Variants in FAM168A observed in about 807,000 individuals in gnomAD.
FAM168A encodes the protein family with sequence similarity 168 member A.
In FAM168A, 3 loss-of-function variants were observed where a neutral mutation model predicts 28.5. That is an observed-to-expected ratio of 0.11 (90% CI 0.05 to 0.27). FAM168A has a LOEUF of 0.27. FAM168A is among the 10% of genes least tolerant of loss of function. The pLI, the probability that FAM168A is intolerant of heterozygous loss-of-function variation, is 1.00. For synonymous variants in FAM168A, 122 were observed against 124.2 expected (o/e 0.98, Z 0.12); for missense variants, 222 against 311.5 (o/e 0.71, Z 2.16).
chr11:73,518,591 A>G (rs908502499), intron 1 of FAM168A, among the ~76,000 whole-genome samples: 2 of 151,900 alleles, frequency 1.3e-5, no homozygotes, highest in Non-Finnish European at 2.9e-5. Context: ...TGTTCCCTCC[A>G]GTGCTGGCTC....
chr11:73,584,624 C>T (rs1362120850), intron 1 of FAM168A, among the ~76,000 whole-genome samples: 2 of 152,046 alleles, frequency 1.3e-5, no homozygotes, highest in African/African-American at 4.8e-5. Flanking sequence ...CAGGCGCCCG[C>T]CACCATGCCC....
intron 1 of FAM168A, among the ~76,000 whole-genome samples, chr11:73,473,357 G>C (rs748997931): frequency 6.6e-6 from 1 of 152,082 alleles, no homozygotes; most frequent in South Asian, 2.1e-4. Context: ...TTCGCCTCTG[G>C]AACAGTAGGC....
At chr11:73,580,786 C>G in intron 1 of FAM168A, among the ~76,000 whole-genome samples, 1 of 152,180 alleles carries the variant, frequency 6.6e-6, no homozygotes, top group East Asian at 1.9e-4. Context: ...CAGGGATTCC[C>G]TGACTTTGAC....
intron 1 of FAM168A, among the ~76,000 whole-genome samples, chr11:73,509,213 G>A (rs2134634892): frequency 6.6e-6 from 1 of 152,322 alleles, no homozygotes; most frequent in South Asian, 2.1e-4. Flanking sequence ...TGATCACACA[G>A]GCAAGTCAAG....
chr11:73,580,223 C>T (rs762180636), intron 1 of FAM168A: 6 of 506,612 alleles, frequency 1.2e-5, no homozygotes, highest in East Asian at 5.5e-5. Flanking sequence ...CCAGTGCCTA[C>T]GTCCCGCTGC....
chr11:73,497,710 C>T (rs1854921701), intron 1 of FAM168A, among the ~76,000 whole-genome samples: 1 of 151,944 alleles, frequency 6.6e-6, no homozygotes, highest in Admixed American at 6.6e-5. Flanking sequence ...AATGAGAACA[C>T]TTGGACACAG....
intron 1 of FAM168A, among the ~76,000 whole-genome samples, chr11:73,571,264 CCTCTCTTT>C (rs1944085233): frequency 7.2e-6 from 1 of 139,340 alleles, no homozygotes; most frequent in African/African-American, 2.7e-5. Context: ...TCTCCCTCTC[CCTCTCTTT>C]CCACGGTCTC....
At chr11:73,594,089 A>C (rs1944414657) in intron 1 of FAM168A, among the ~76,000 whole-genome samples, 1 of 152,142 alleles carries the variant, frequency 6.6e-6, no homozygotes, top group Non-Finnish European at 1.5e-5. Flanking sequence ...TCCCCTTGAC[A>C]GCCTTGTGAA....
At chr11:73,445,432 T>C (rs1343056405) in intron 2 of FAM168A, among the ~76,000 whole-genome samples, 1 of 126,702 alleles carries the variant, frequency 7.9e-6, no homozygotes, top group African/African-American at 3.2e-5. Flanking sequence ...TTTTTTTTTT[T>C]TTTTTTTTTT....
chr11:73,424,953 GA>G, intron 3 of FAM168A: 1 of 1,299,288 alleles, frequency 7.7e-7, no homozygotes, highest in Non-Finnish European at 1.0e-6. Context: ...GAGGAGAGGG[GA>G]TCTACCATTG....
intron 2 of FAM168A, among the ~76,000 whole-genome samples, chr11:73,440,923 A>G (rs905661631): frequency 3.3e-5 from 5 of 152,240 alleles, no homozygotes; most frequent in East Asian, 1.9e-4. Context: ...AAATAAGCCA[A>G]TAGAATCTAA....
intron 2 of FAM168A, among the ~76,000 whole-genome samples, chr11:73,466,190 G>A (rs1867733534): frequency 6.6e-6 from 1 of 152,154 alleles, no homozygotes; most frequent in South Asian, 2.1e-4. Context: ...TTGCCCTCCT[G>A]AGGCTACCCC....
rs531799577 is a variant in FAM168A at position 73,554,465 on chromosome 11, GA to G, written c.-19+43457del. On this transcript the variant is annotated intron_variant, in intron 1 of 7. Coordinates refer to ENST00000356467, the MANE Select transcript of FAM168A (RefSeq NM_015159.3). ...TGATCTTAATTATATAAAATAAATA[GA>G]AAAAAAACTTCAAAAAAGCCTAAAT... Among the ~76,000 whole-genome samples the G allele has an allele frequency of 7.3e-4, 110 of 151,536 alleles. 1 individual carries two copies. The South Asian group carries it at 0.011, about 15-fold the overall frequency.
In FAM168A at chr11:73,405,107, C is replaced by A; in HGVS notation, c.*1656G>T. 6.6e-6 allele frequency: 1 copy of A among 152,470 alleles called. No homozygotes were observed. 9.4% of individuals were successfully genotyped at this position (152,470 alleles called of 1,614,324 possible). A position where few individuals can be genotyped will look rare whatever the true frequency, so the allele number is the denominator to read the frequency against. ...CCTGATGACTCCCACTGTCTTCCTC[C>A]TCTTCCTCTCCTCTCGGGATGAGGG... On this transcript the variant is annotated 3_prime_UTR_variant, in exon 8 of 8. Transcript: ENST00000356467.
intron 4 of FAM168A, 62 bp downstream of exon 4, chr11:73,419,812 T>C (rs914503750): frequency 1.1e-5 from 18 of 1,582,964 alleles, no homozygotes; most frequent in Admixed American, 5.4e-5. Context: ...CTTTCCTTTC[T>C]TCCTAAGAAA....
At chr11:73,545,012 A>ATATAATATATAT (rs1343089760) in intron 1 of FAM168A, among the ~76,000 whole-genome samples, 5,354 of 81,738 alleles carry the variant, frequency 0.066, 382 homozygotes, top group Non-Finnish European at 0.081. Context: ...AATATACTAT[A>ATATAATATATAT]TATATAGTAT....
intron 1 of FAM168A, among the ~76,000 whole-genome samples, chr11:73,547,741 C>G (rs763916104): frequency 1.1e-4 from 16 of 151,784 alleles, no homozygotes; most frequent in Non-Finnish European, 1.6e-4. Flanking sequence ...TCCAAAAGAA[C>G]TGAAAGCAGA....
intron 1 of FAM168A, among the ~76,000 whole-genome samples, chr11:73,513,273 G>A (rs1325133727): frequency 2.1e-5 from 3 of 143,834 alleles, no homozygotes; most frequent in Non-Finnish European, 4.5e-5. Context: ...GCAGTGGCGC[G>A]ATCTCAGCTC....
intron 1 of FAM168A, chr11:73,580,619 A>C: frequency 2.2e-6 from 1 of 462,658 alleles, no homozygotes; most frequent in South Asian, 1.8e-5. Context: ...ATTTTGTTTT[A>C]CTTTTTTAAG....
Sources: gnomAD v4.1 joint callset for allele counts (sites outside exome capture counted in the v4.1 genomes callset) on GRCh38, gnomAD v4.1.1 for gene constraint, MANE v1.5 for transcripts, NCBI Gene and HGNC (gene_info 2026-07-23, HGNC 2026-07-21) for gene names.